Variants in ABI3BP observed in about 807,000 individuals in gnomAD.
The protein encoded by ABI3BP is ABI family member 3 binding protein.
A neutral mutation model predicts 268.6 loss-of-function variants in ABI3BP; 216 were observed. That is an observed-to-expected ratio of 0.80 (90% CI 0.72 to 0.90). The LOEUF is 0.90. Ranked by LOEUF, ABI3BP falls within the 40% of genes least tolerant of loss-of-function variation. ABI3BP has a pLI of 0.00. For synonymous variants in ABI3BP, 730 were observed against 730.0 expected (o/e 1.00, Z 0.00); for missense variants, 2,090 against 2,182.4 (o/e 0.96, Z 0.84).
intron 14 of ABI3BP, among the ~76,000 whole-genome samples, chr3:100,854,160 G>C (rs995919802): frequency 1.4e-5 from 2 of 148,068 alleles, no homozygotes; most frequent in African/African-American, 5.0e-5. Context: ...AGACCAGCCT[G>C]GCCAGGAGAG....
chr3:100,954,975 CTTTTTTTTTTTT>C (rs71299382), intron 1 of ABI3BP, among the ~76,000 whole-genome samples: 24 of 94,756 alleles, frequency 2.5e-4, no homozygotes, highest in African/African-American at 8.6e-4. Flanking sequence ...TAAATTTTGT[CTTTTTTTTTTTT>C]TTTTTTTTTT....
chr3:100,967,220 G>A (rs1293087389), intron 1 of ABI3BP, among the ~76,000 whole-genome samples: 1 of 152,058 alleles, frequency 6.6e-6, no homozygotes, highest in Non-Finnish European at 1.5e-5. Flanking sequence ...ATTATTTGAG[G>A]GCTAGGTGCG....
At chr3:100,959,038 G>T (rs2595894) in intron 1 of ABI3BP, among the ~76,000 whole-genome samples, 3 of 152,102 alleles carry the variant, frequency 2.0e-5, no homozygotes, top group African/African-American at 7.2e-5. Context: ...GTTGCTCCAG[G>T]GCATAGGTGA....
intron 39 of ABI3BP, 65 bp from the exon 40 acceptor site, chr3:100,820,368 T>A: frequency 7.7e-7 from 1 of 1,291,322 alleles, no homozygotes; most frequent in East Asian, 2.6e-5. Flanking sequence ...TAGCATGACA[T>A]ACGGTTTGAG....
chr3:100,923,667 T>G (rs1039400442), intron 2 of ABI3BP, among the ~76,000 whole-genome samples: 1 of 152,128 alleles, frequency 6.6e-6, no homozygotes, highest in Non-Finnish European at 1.5e-5. Flanking sequence ...CGGCAAAAAC[T>G]GCAATAACTT....
intron 55 of ABI3BP, 94 bp from the exon 56 acceptor site, chr3:100,789,610 T>C (rs771499424): frequency 1.3e-5 from 15 of 1,198,526 alleles, no homozygotes; most frequent in Non-Finnish European, 1.8e-5. Context: ...CTCATACACT[T>C]TGCATGGACG....
intron 34 of ABI3BP, 65 bp downstream of exon 34, chr3:100,828,328 T>C: frequency 2.1e-6 from 3 of 1,413,240 alleles, no homozygotes; most frequent in Non-Finnish European, 2.9e-6. Flanking sequence ...AATGGCAATA[T>C]ACAGTGGAAT....
chr3:100,828,756 C>T (rs570429789), intron 33 of ABI3BP, among the ~76,000 whole-genome samples: 2 of 152,206 alleles, frequency 1.3e-5, no homozygotes, highest in South Asian at 4.1e-4. Flanking sequence ...GTAGATGATA[C>T]ACATTTTGCT....
At chr3:100,835,803 A>G (rs2098572969) in intron 27 of ABI3BP, 143 bp from the exon 28 acceptor site, 1 of 681,174 alleles carries the variant, frequency 1.5e-6, no homozygotes. Flanking sequence ...TCCCCTAAGT[A>G]GCCAAACTAT....
intron 1 of ABI3BP, among the ~76,000 whole-genome samples, chr3:100,940,080 C>G (rs2068239914): frequency 6.6e-6 from 1 of 152,042 alleles, no homozygotes; most frequent in Non-Finnish European, 1.5e-5. Flanking sequence ...TGCTGTTATC[C>G]TGTTCTTTTT....
intron 1 of ABI3BP, among the ~76,000 whole-genome samples, chr3:100,967,652 T>A (rs1214387091): frequency 6.6e-6 from 1 of 152,202 alleles, no homozygotes; most frequent in Non-Finnish European, 1.5e-5. Context: ...GGTGATTTGC[T>A]CATGCCTCTT....
At chr3:100,773,398 A>G (rs2096608224) in intron 61 of ABI3BP, among the ~76,000 whole-genome samples, 1 of 152,242 alleles carries the variant, frequency 6.6e-6, no homozygotes, top group African/African-American at 2.4e-5. Flanking sequence ...AATTAAAACC[A>G]TAATCAGATA....
At chr3:100,968,000 A>C (rs2082017641) in intron 1 of ABI3BP, among the ~76,000 whole-genome samples, 2 of 152,180 alleles carry the variant, frequency 1.3e-5, no homozygotes, top group South Asian at 4.1e-4. Context: ...GAGGGGGCCA[A>C]CCATCAGATG....
intron 28 of ABI3BP, 107 bp from the exon 29 acceptor site, chr3:100,834,880 G>T (rs2098551526): frequency 3.8e-6 from 4 of 1,062,510 alleles, no homozygotes; most frequent in Admixed American, 2.5e-5. Context: ...TGAGAAATTT[G>T]TCTCTTTGGT....
At chr3:100,825,912 C>T (rs56387789) in intron 34 of ABI3BP, 68 bp from the exon 35 acceptor site, 213,910 of 1,168,762 alleles carry the variant, frequency 0.18, 22,034 homozygotes, top group South Asian at 0.26. Context: ...CACATCAAAA[C>T]GTATCTTGCT....
chr3:100,787,917 C>CA, intron 56 of ABI3BP, 115 bp from the exon 57 acceptor site: 1 of 620,254 alleles, frequency 1.6e-6, no homozygotes. Context: ...GATGACTTAC[C>CA]AAAAATATTA....
chr3:100,922,980 A>C (rs780506630), intron 2 of ABI3BP, among the ~76,000 whole-genome samples: 2 of 152,228 alleles, frequency 1.3e-5, no homozygotes, highest in African/African-American at 2.4e-5. Flanking sequence ...TCATTTTTGA[A>C]GTAATAAAAG....
chr3:100,902,478 T>C (rs1248529402), intron 3 of ABI3BP, 140 bp downstream of exon 3: 1 of 679,042 alleles, frequency 1.5e-6, no homozygotes, highest in Non-Finnish European at 2.4e-6. Flanking sequence ...TCCAAAAGGG[T>C]AAACTGTGGA....
intron 5 of ABI3BP, 70 bp downstream of exon 5, chr3:100,886,072 T>G: frequency 5.0e-6 from 6 of 1,204,496 alleles, no homozygotes; most frequent in Non-Finnish European, 6.8e-6. Flanking sequence ...ATGAATAACA[T>G]AATTAAAAAT....
Sources: gnomAD v4.1 joint callset for allele counts (sites outside exome capture counted in the v4.1 genomes callset) on GRCh38, gnomAD v4.1.1 for gene constraint, MANE v1.5 for transcripts, NCBI Gene and HGNC (gene_info 2026-07-23, HGNC 2026-07-21) for gene names.